The following MUSK variants were observed in gnomAD, a reference collection of about 807,000 sequenced individuals.
The protein encoded by MUSK is muscle associated receptor tyrosine kinase, also known as muscle, skeletal receptor tyrosine-protein kinase.
In MUSK, 55 loss-of-function variants were observed where a neutral mutation model predicts 88.7. The observed-to-expected ratio is 0.62, with a 90% CI of 0.50 to 0.78. The LOEUF (loss-of-function observed/expected upper bound fraction) is 0.78, where lower values mean the gene tolerates loss of function less well. Ranked by LOEUF, MUSK falls within the 30% of genes least tolerant of loss-of-function variation. MUSK has a pLI of 0.00. For synonymous variants in MUSK, 387 were observed against 391.9 expected, an observed-to-expected ratio of 0.99 and a Z score of 0.15; for missense variants, 1,015 against 1,074.3, an observed-to-expected ratio of 0.94 and a Z score of 0.77.
At position 110,801,435 on chromosome 9, in the gene MUSK, A is replaced by G. The variant is rs189725327; in HGVS notation, c.*447A>G. ...CATGTAAGACACTTAGGTGAAGTAC[A>G]GAAAACTAAAAAGAAGGAAAAGCCA... On this transcript the variant is annotated 3_prime_UTR_variant, in exon 15 of 15. Coordinates refer to ENST00000374448, the MANE Select transcript of MUSK (RefSeq NM_005592.4). 2.6e-5 allele frequency: 4 copies of G among 153,264 alleles called. No homozygotes were observed. The Admixed American group carries it at 2.6e-4, about 10-fold the overall frequency. 9.5% of individuals were successfully genotyped at this position (153,264 alleles called of 1,614,324 possible).
chr9:110,747,126 C>T (rs901363069), intron 6 of MUSK, among the ~76,000 whole-genome samples: 1 of 152,152 alleles, frequency 6.6e-6, no homozygotes, highest in Non-Finnish European at 1.5e-5. Context: ...GGTGGTTTTG[C>T]TGATTTGGTT....
At chr9:110,689,232 T>C (rs1458737128) in intron 3 of MUSK, among the ~76,000 whole-genome samples, 1 of 51,808 alleles carries the variant, frequency 1.9e-5, no homozygotes, top group Non-Finnish European at 3.2e-5. Context: ...AATATATAAA[T>C]ATATAAATAT....
intron 2 of MUSK, among the ~76,000 whole-genome samples, chr9:110,684,607 T>G (rs1411781244): frequency 2.0e-5 from 3 of 152,122 alleles, no homozygotes; most frequent in Non-Finnish European, 2.9e-5. Context: ...TTCCAATCCA[T>G]TAATATGGAA....
chr9:110,682,797 TTAAG>T lies in MUSK; in HGVS notation c.206+4_206+7del. On this transcript the variant is annotated splice_donor_variant and coding_sequence_variant, in exon 2 of 15. Transcript: ENST00000374448. LOFTEE classifies it high-confidence loss of function. ...TCCTGGACTAGAAATAAAATTCTCA[TTAAG>T]TAAGTATTCCACATTTTAATTTTTT... 5.0e-6 allele frequency: 8 copies of T among 1,611,228 alleles called. No homozygotes were observed. The highest frequency in any genetic ancestry group is 2.7e-5 in the African/African-American group (2 of 74,940).
At chr9:110,712,977 ATCT>A (rs1395015458) in intron 5 of MUSK, among the ~76,000 whole-genome samples, 4 of 152,138 alleles carry the variant, frequency 2.6e-5, no homozygotes, top group Non-Finnish European at 5.9e-5. Flanking sequence ...GGTCAGGGAA[ATCT>A]TCAGAGAGGT....
rs539147358 is a variant in MUSK, at chr9:110,733,743, G to A, written c.629-508G>A. ...TGCCTGAAACAATACAGCAGTCAAC[G>A]AAAGGCAAGGCTTTTGGCTTCAAAC... On this transcript the variant is annotated intron_variant, in intron 5 of 14. Transcript: ENST00000374448. Among the ~76,000 whole-genome samples, 18 of 152,152 alleles carry A rather than the reference G, an allele frequency of 1.2e-4. No individual in the cohort carries two copies. The South Asian group carries it at 1.5e-3, about 12-fold the overall frequency.
chr9:110,694,385 C>CA (rs796590211), intron 3 of MUSK, among the ~76,000 whole-genome samples: 3,184 of 50,922 alleles, frequency 0.063, 220 homozygotes, highest in East Asian at 0.11. Flanking sequence ...GACTCCGTCT[C>CA]AAAAAAAAAA....
chr9:110,779,979 T>C (rs985458336), intron 11 of MUSK, among the ~76,000 whole-genome samples: 7 of 152,298 alleles, frequency 4.6e-5, no homozygotes, highest in African/African-American at 1.4e-4. Flanking sequence ...GGTAATTTTT[T>C]CCTTGTATTT....
intron 1 of MUSK, among the ~76,000 whole-genome samples, chr9:110,679,694 C>CT (rs2076082702): frequency 6.6e-6 from 1 of 151,096 alleles, no homozygotes; most frequent in African/African-American, 2.4e-5. Flanking sequence ...CTTTTTTTCT[C>CT]TGTTGTTTTG....
chr9:110,681,179 T>TTA (rs2076131657), intron 1 of MUSK, among the ~76,000 whole-genome samples: 2 of 84,496 alleles, frequency 2.4e-5, no homozygotes, highest in Non-Finnish European at 4.6e-5. Flanking sequence ...TTATAATATA[T>TTA]ATTATAACAA....
At position 110,687,130 on chromosome 9, in the gene MUSK, C is replaced by G. The variant is rs1370203787; in HGVS notation, c.220C>G (p.Arg74Gly). The G allele has an allele frequency of 6.2e-7, 1 of 1,613,172 alleles. No homozygotes were observed. Among genetic ancestry groups the G allele is most frequent in the Non-Finnish European group, 8.5e-7 (1 of 1,179,488 alleles). ...NKILIKLFDT[R>G]YSIRENGQLL... Reference sequence around the variant, plus strand: ...TGTGACCTGCAGACTCTTTGACACCCGGTACAGCATCCGGGAGAATGGGCA... The same window carrying G: ...TGTGACCTGCAGACTCTTTGACACCGGGTACAGCATCCGGGAGAATGGGCA... Residue 74 changes from arginine to glycine, a missense_variant, in exon 3 of 15, where the codon CGG becomes GGG. Arg to Gly is a moderately radical substitution (Grantham distance 125). Transcript: ENST00000374448.
chr9:110,741,647 G>A (rs1021630184), intron 6 of MUSK, among the ~76,000 whole-genome samples: 10 of 152,202 alleles, frequency 6.6e-5, no homozygotes, highest in East Asian at 1.9e-4. Flanking sequence ...TATTGTTTTC[G>A]CTGAAGTCTT....
At chr9:110,760,091 G>A (rs1010930562) in intron 7 of MUSK, among the ~76,000 whole-genome samples, 2 of 152,126 alleles carry the variant, frequency 1.3e-5, no homozygotes, top group Non-Finnish European at 2.9e-5. Flanking sequence ...TGAGAAAAGG[G>A]AACTCTTATA....
rs758777519 is a variant in MUSK, at chr9:110,767,962, G to A, written c.1063G>A (p.Ala355Thr). 3 of 1,613,852 alleles carry A rather than the reference G, an allele frequency of 1.9e-6. No homozygotes were observed. In the African/African-American group the frequency reaches 4.0e-5, roughly 22 times the overall value. Reference sequence around the variant, plus strand: ...GGCCCAAGAGCTACTGGTCCACACGGCCTGGAATGAACTGAAAGTAGTGAG... The same window carrying A: ...GGCCCAAGAGCTACTGGTCCACACGACCTGGAATGAACTGAAAGTAGTGAG... ...EEAQELLVHT[A>T]WNELKVVSPV... The change falls in exon 9 of 15, where the codon GCC becomes ACC. Residue 355 changes from alanine to threonine, a missense_variant. Ala to Thr is a moderately conservative substitution (Grantham distance 58). Transcript: ENST00000374448.
intron 1 of MUSK, among the ~76,000 whole-genome samples, chr9:110,671,410 C>T (rs1410615212): frequency 1.3e-5 from 2 of 152,144 alleles, no homozygotes; most frequent in African/African-American, 2.4e-5. Context: ...AGTCCTTTAT[C>T]ATGAATGCAT....
At chr9:110,788,718 A>T (rs1334197182) in intron 14 of MUSK, among the ~76,000 whole-genome samples, 2 of 152,108 alleles carry the variant, frequency 1.3e-5, no homozygotes, top group East Asian at 1.9e-4. Flanking sequence ...AAAAAACAAA[A>T]ATATGGGATG....
At position 110,803,431 on chromosome 9, in the gene MUSK, C is replaced by T. The variant is rs188099671; in HGVS notation, c.*2443C>T. Among the ~76,000 whole-genome samples, 1 of 152,144 alleles carries T rather than the reference C, an allele frequency of 6.6e-6. No homozygotes were observed. The highest frequency in any genetic ancestry group is 1.5e-5 in the Non-Finnish European group (1 of 68,020). On this transcript the variant is annotated 3_prime_UTR_variant, in exon 15 of 15. Coordinates refer to ENST00000374448, the MANE Select transcript of MUSK (RefSeq NM_005592.4). ...TCACAGAGAGATTGTGCAACTGGCC[C>T]GAGTGCACACAGCAACAGAGCCTAC...
intron 7 of MUSK, among the ~76,000 whole-genome samples, chr9:110,760,732 T>C (rs1429156953): frequency 6.6e-6 from 1 of 152,080 alleles, no homozygotes; most frequent in African/African-American, 2.4e-5. Context: ...AAATCAAAGT[T>C]AAAATATTCT....
intron 14 of MUSK, among the ~76,000 whole-genome samples, chr9:110,799,665 G>A (rs999489799): frequency 1.3e-5 from 2 of 152,164 alleles, no homozygotes; most frequent in African/African-American, 4.8e-5. Context: ...CACGTGGTAG[G>A]TGTGGGGAAT....
Sources: allele counts gnomAD v4.1 joint callset (sites outside exome capture counted in the v4.1 genomes callset), GRCh38; gene constraint gnomAD v4.1.1; transcripts MANE v1.5; gene names NCBI Gene and HGNC (gene_info 2026-07-23, HGNC 2026-07-21).